ANKRD36B: variants seen among roughly 807,000 people sequenced by gnomAD.
The protein encoded by ANKRD36B is ankyrin repeat domain-containing protein 36B.
ANKRD36B carries 37 observed loss-of-function variants against 135.7 expected under a neutral mutation model. That is an observed-to-expected ratio of 0.27 (90% CI 0.21 to 0.36). The LOEUF (loss-of-function observed/expected upper bound fraction) is 0.36, where lower values mean the gene tolerates loss of function less well. Ranked by LOEUF, ANKRD36B falls within the 10% of genes least tolerant of loss-of-function variation. ANKRD36B has a pLI of 1.00. For missense variants in ANKRD36B, 549 were observed against 1,037.1 expected, an observed-to-expected ratio of 0.53 and a Z score of 6.46; for synonymous variants, 179 against 348.1, an observed-to-expected ratio of 0.51 and a Z score of 5.41.
chr2:97,576,534 C>T (rs2082251218), intron 5 of ANKRD36B, 88 bp from the exon 6 acceptor site: 1 of 439,808 alleles, frequency 2.3e-6, no homozygotes, highest in Admixed American at 4.1e-5. Flanking sequence ...GTATCTTGAA[C>T]AATATCAGGA....
chr2:97,565,746 T>C (rs2081376763), intron 6 of ANKRD36B, among the ~76,000 whole-genome samples: 1 of 152,100 alleles, frequency 6.6e-6, no homozygotes, highest in South Asian at 2.1e-4. Flanking sequence ...GCTTTTACAC[T>C]GTTGGTGGGA....
At chr2:97,545,050 T>C (rs2104561831) in intron 24 of ANKRD36B, among the ~76,000 whole-genome samples, 1 of 95,800 alleles carries the variant, frequency 1.0e-5, no homozygotes, top group South Asian at 2.3e-4. Flanking sequence ...TCTAGCATAG[T>C]TTCCTGCTTC....
At chr2:97,583,079 T>C (rs1308465001) in intron 3 of ANKRD36B, among the ~76,000 whole-genome samples, 1 of 149,828 alleles carries the variant, frequency 6.7e-6, no homozygotes, top group East Asian at 1.9e-4. Context: ...TTTGTATTCT[T>C]ACTAACTTCA....
chr2:97,537,103 T>C (rs2104504357), intron 32 of ANKRD36B, among the ~76,000 whole-genome samples: 1 of 96,554 alleles, frequency 1.0e-5, no homozygotes, highest in South Asian at 2.4e-4. Context: ...CCTACATTTC[T>C]TATATCCTCT....
chr2:97,562,433 C>A (rs796427177), intron 6 of ANKRD36B, among the ~76,000 whole-genome samples: 1 of 151,650 alleles, frequency 6.6e-6, no homozygotes, highest in Non-Finnish European at 1.5e-5. Context: ...AAACAAAAAA[C>A]AAAAATCTGA....
Position 97,530,090 on chromosome 2 carries a change from TCAC to T in ANKRD36B, c.2265+2218_2265+2220del, listed in dbSNP as rs1233537546. Among the ~76,000 whole-genome samples the T allele has an allele frequency of 5.2e-5, 5 of 95,832 alleles. 1 individual carries two copies. Among genetic ancestry groups the T allele is most frequent in the South Asian group, 4.7e-4 (2 of 4,238 alleles). The allele number at this position is 95,832 out of a possible 152,430, so 62.9% of individuals were successfully genotyped here. ...ATATGGAACCAAAAAAGAGCCCGCA[TCAC>T]CACATCAATCCTAAGCCAAAAGAAC... On this transcript the variant is annotated intron_variant, in intron 35 of 43. Transcript: ENST00000359901.
intron 35 of ANKRD36B, among the ~76,000 whole-genome samples, chr2:97,529,563 G>T (rs2078442636): frequency 1.0e-5 from 1 of 95,416 alleles, no homozygotes; most frequent in East Asian, 2.3e-4. Context: ...GGCCCATTAG[G>T]CAGGAGAAGG....
At chr2:97,499,034 T>C (rs1279181379) in intron 43 of ANKRD36B, among the ~76,000 whole-genome samples, 1 of 74,534 alleles carries the variant, frequency 1.3e-5, no homozygotes, top group Admixed American at 1.1e-4. Context: ...GAGCCTTGCA[T>C]TGAAATAAAA....
intron 43 of ANKRD36B, among the ~76,000 whole-genome samples, chr2:97,496,094 A>G (rs1264887234): frequency 2.0e-5 from 2 of 99,796 alleles, no homozygotes; most frequent in East Asian, 4.5e-4. Flanking sequence ...AAGGAAATTA[A>G]ACAGACTACT....
chr2:97,589,566 C>T lies in ANKRD36B; in HGVS notation c.120G>A (p.Leu40=). Residue 40 remains leucine (L), a synonymous_variant, in exon 1 of 44, where the codon CTG becomes CTA. Coordinates refer to ENST00000359901, the MANE Select transcript of ANKRD36B (RefSeq NM_001393939.1). ...RGNLEKLKYL[L]LTYYDANKRD... is the part of the protein sequence containing the mutation. Reference sequence around the variant, plus strand: ...TCTTATTGGCGTCATAATACGTGAGCAGAAGGTACTTCAGTTTCTCCAGAT... The same window carrying T: ...TCTTATTGGCGTCATAATACGTGAGTAGAAGGTACTTCAGTTTCTCCAGAT... The T allele has an allele frequency of 6.2e-7, 1 of 1,611,418 alleles. No individual in the cohort carries two copies. Among genetic ancestry groups the T allele is most frequent in the Non-Finnish European group, 8.5e-7 (1 of 1,178,618 alleles).
intron 32 of ANKRD36B, 138 bp downstream of exon 32, chr2:97,538,030 C>A: frequency 4.6e-6 from 2 of 438,570 alleles, no homozygotes; most frequent in Non-Finnish European, 9.2e-6. Flanking sequence ...CACCTGACAA[C>A]TCAGTAGAAA....
chr2:97,547,798 C>T lies in ANKRD36B; in HGVS notation c.1478-67G>A, dbSNP rs554928907. On this transcript the variant is annotated intron_variant, in intron 20 of 43. Coordinates refer to ENST00000359901, the MANE Select transcript of ANKRD36B (RefSeq NM_001393939.1). ...TGACAAAATTATCCACACATTCACG[C>T]AGTGTTAGCATCAACCTCTGTCTTC... 1.5e-5 allele frequency: 23 copies of T among 1,527,182 alleles called. No individual in the cohort carries two copies. The South Asian group carries it at 2.6e-4, about 17-fold the overall frequency. The allele number at this position is 1,527,182 out of a possible 1,614,324, so 94.6% of individuals were successfully genotyped here. A position where few individuals can be genotyped will look rare whatever the true frequency, so the allele number is the denominator to read the frequency against.
At chr2:97,567,815 A>G (rs1230109667) in intron 6 of ANKRD36B, among the ~76,000 whole-genome samples, 1 of 152,158 alleles carries the variant, frequency 6.6e-6, no homozygotes, top group Non-Finnish European at 1.5e-5. Context: ...ATAAATCTGT[A>G]CCTAACATCC....
intron 4 of ANKRD36B, among the ~76,000 whole-genome samples, chr2:97,579,615 TTATA>T (rs2082456361): frequency 7.3e-6 from 1 of 137,204 alleles, no homozygotes; most frequent in South Asian, 2.1e-4. Flanking sequence ...ATATAGTATA[TTATA>T]TATAATCTAT....
At chr2:97,530,564 T>G (rs573077767) in intron 35 of ANKRD36B, among the ~76,000 whole-genome samples, 1 of 96,440 alleles carries the variant, frequency 1.0e-5, no homozygotes, top group South Asian at 2.4e-4. Flanking sequence ...TGGGATCTAA[T>G]TAAGCTAAAG....
At chr2:97,546,403 T>G (rs918434945) in intron 22 of ANKRD36B, among the ~76,000 whole-genome samples, 3 of 151,768 alleles carry the variant, frequency 2.0e-5, no homozygotes, top group African/African-American at 7.2e-5. Context: ...GGATATCTGC[T>G]TGCTGATACC....
chr2:97,537,582 C>G (rs1250356844), intron 32 of ANKRD36B, among the ~76,000 whole-genome samples: 1 of 96,864 alleles, frequency 1.0e-5, no homozygotes, highest in East Asian at 2.3e-4. Flanking sequence ...GAAATCAGAT[C>G]TTCTGGTATG....
At chr2:97,588,711 CAA>C (rs1180643208) in intron 1 of ANKRD36B, among the ~76,000 whole-genome samples, 1 of 126,874 alleles carries the variant, frequency 7.9e-6, no homozygotes, top group Non-Finnish European at 1.7e-5. Context: ...CTTCCCACTT[CAA>C]AGTTTCCCTC....
chr2:97,547,350 T>C (rs1230765141), intron 22 of ANKRD36B, 186 bp downstream of exon 22: 15 of 707,092 alleles, frequency 2.1e-5, no homozygotes, highest in Non-Finnish European at 2.2e-6. Context: ...TGTATAACCT[T>C]ACTGCGAAGA....
Sources: allele counts gnomAD v4.1 joint callset (sites outside exome capture counted in the v4.1 genomes callset), GRCh38; gene constraint gnomAD v4.1.1; transcripts MANE v1.5; gene names NCBI Gene and HGNC (gene_info 2026-07-23, HGNC 2026-07-21).